The following CIMIP2C variants were observed in gnomAD, a reference collection of about 807,000 sequenced individuals.
CIMIP2C encodes the protein ciliary microtubule inner protein 2C, also known as UPF0573 protein C2orf70.
chr2:26,571,273 A>G, the CIMIP2C span, among the ~76,000 whole-genome samples: 1 of 152,144 alleles, frequency 6.6e-6, no homozygotes, highest in African/African-American at 2.4e-5. Context: ...AGCCAGACCC[A>G]GGGGCTCCCC....
chr2:26,573,330 C>T, the CIMIP2C span, among the ~76,000 whole-genome samples: 126 of 146,300 alleles, frequency 8.6e-4, no homozygotes, highest in African/African-American at 3.4e-3. Flanking sequence ...TGCCTATAAA[C>T]GGGCACCAGC....
At chr2:26,574,972 C>T in the CIMIP2C span, among the ~76,000 whole-genome samples, 1 of 152,262 alleles carries the variant, frequency 6.6e-6, no homozygotes, top group African/African-American at 2.4e-5. Context: ...GGCAAGCTTC[C>T]GCATTGGCCG....
chr2:26,562,893 C>G, the CIMIP2C span: 2 of 573,322 alleles, frequency 3.5e-6, no homozygotes, highest in Non-Finnish European at 6.2e-6. Context: ...CCCAGATTCC[C>G]CTTCACAGGA....
the CIMIP2C span, among the ~76,000 whole-genome samples, chr2:26,577,214 G>A: frequency 5.3e-5 from 8 of 152,216 alleles, no homozygotes; most frequent in East Asian, 1.9e-4. Flanking sequence ...GTGTGCGTAC[G>A]CCTGCGGGGC....
At chr2:26,564,705 G>T in the CIMIP2C span, among the ~76,000 whole-genome samples, 1 of 152,214 alleles carries the variant, frequency 6.6e-6, no homozygotes, top group African/African-American at 2.4e-5. Context: ...TTGTGTGTCT[G>T]TTCAAACACT....
the CIMIP2C span, among the ~76,000 whole-genome samples, chr2:26,565,946 G>T: frequency 6.6e-6 from 1 of 152,206 alleles, no homozygotes; most frequent in African/African-American, 2.4e-5. Context: ...GCCTGCCTAC[G>T]CCTGGCCTGG....
the CIMIP2C span, among the ~76,000 whole-genome samples, chr2:26,571,604 T>C: frequency 6.6e-6 from 1 of 152,236 alleles, no homozygotes; most frequent in African/African-American, 2.4e-5. Context: ...TCATGCCATC[T>C]GACTCTGTTT....
the CIMIP2C span, among the ~76,000 whole-genome samples, chr2:26,569,192 A>G: frequency 1.3e-5 from 2 of 152,022 alleles, no homozygotes; most frequent in Non-Finnish European, 2.9e-5. Context: ...TAAGATCACA[A>G]TGTGGGAAGT....
the CIMIP2C span, among the ~76,000 whole-genome samples, chr2:26,565,320 A>C: frequency 1.3e-5 from 2 of 152,036 alleles, no homozygotes; most frequent in South Asian, 4.1e-4. Flanking sequence ...CGAACTCCTG[A>C]CCTCAGATGA....
At chr2:26,574,913 C>G in the CIMIP2C span, among the ~76,000 whole-genome samples, 1 of 152,220 alleles carries the variant, frequency 6.6e-6, no homozygotes, top group Non-Finnish European at 1.5e-5. Context: ...GAGCAGAAGT[C>G]AGACCCCAGA....
chr2:26,570,116 A>G, the CIMIP2C span, among the ~76,000 whole-genome samples: 3 of 152,376 alleles, frequency 2.0e-5, no homozygotes, highest in South Asian at 6.2e-4. Context: ...GGCAGAACTC[A>G]GGAGGATTGC....
At chr2:26,567,153 T>A in the CIMIP2C span, among the ~76,000 whole-genome samples, 1 of 152,224 alleles carries the variant, frequency 6.6e-6, no homozygotes, top group Non-Finnish European at 1.5e-5. Flanking sequence ...TGCCTGCCCC[T>A]GTGATATGGT....
the CIMIP2C span, among the ~76,000 whole-genome samples, chr2:26,571,148 G>T: frequency 2.7e-5 from 4 of 149,624 alleles, no homozygotes; most frequent in Non-Finnish European, 5.9e-5. Context: ...AGGTAGAGAG[G>T]CTGTCATTGA....
the CIMIP2C span, among the ~76,000 whole-genome samples, chr2:26,574,878 G>A: frequency 2.0e-5 from 3 of 152,252 alleles, no homozygotes; most frequent in Non-Finnish European, 4.4e-5. Context: ...GCGGCCTTGG[G>A]AAGAGCGATT....
chr2:26,574,869 C>T, the CIMIP2C span, among the ~76,000 whole-genome samples: 1 of 152,230 alleles, frequency 6.6e-6, no homozygotes, highest in Non-Finnish European at 1.5e-5. Flanking sequence ...AGAGCACAGG[C>T]GGCCTTGGGA....
chr2:26,569,075 T>C, the CIMIP2C span, among the ~76,000 whole-genome samples: 4 of 143,954 alleles, frequency 2.8e-5, no homozygotes. Context: ...ATAGGAGAGG[T>C]GCAAAGGGCA....
the CIMIP2C span, chr2:26,579,309 AAAG>A: frequency 1.1e-4 from 183 of 1,613,932 alleles, no homozygotes; most frequent in Non-Finnish European, 1.5e-4. Context: ...CTCTGTGCCC[AAAG>A]AAGAAGTGGC....
chr2:26,579,153 G>A, the CIMIP2C span: 1 of 886,722 alleles, frequency 1.1e-6, no homozygotes, highest in South Asian at 1.7e-5. Flanking sequence ...CCAAGTCCAG[G>A]GGGACTTATC....
chr2:26,575,922 C>T, the CIMIP2C span: 4 of 1,613,514 alleles, frequency 2.5e-6, no homozygotes, highest in Non-Finnish European at 3.4e-6. Context: ...CACGTCCCCA[C>T]TGTGGCCTTC....
Sources: gnomAD v4.1 joint callset for allele counts (sites outside exome capture counted in the v4.1 genomes callset) on GRCh38, gnomAD v4.1.1 for gene constraint, MANE v1.5 for transcripts, NCBI Gene and HGNC (gene_info 2026-07-23, HGNC 2026-07-21) for gene names.